The following CTNNBL1 variants were observed in gnomAD, a reference collection of about 807,000 sequenced individuals.
CTNNBL1 encodes catenin beta like 1.
In CTNNBL1, 31 loss-of-function variants were observed where a neutral mutation model predicts 72.7. The observed-to-expected ratio is 0.43, with a 90% confidence interval of 0.32 to 0.58. CTNNBL1 has a LOEUF of 0.58. CTNNBL1 is among the 20% of genes least tolerant of loss of function. The pLI is 0.08. For synonymous variants in CTNNBL1, 240 were observed against 267.3 expected, an observed-to-expected ratio of 0.90 and a Z score of 1.00; for missense variants, 534 against 725.1, an observed-to-expected ratio of 0.74 and a Z score of 3.03.
chr20:37,869,510 G>A (rs1016292286), intron 15 of CTNNBL1, among the ~76,000 whole-genome samples: 2 of 152,246 alleles, frequency 1.3e-5, no homozygotes, highest in African/African-American at 4.8e-5. Flanking sequence ...GGGGGCCCTC[G>A]GCCAGGCTTA....
At chr20:37,725,790 C>G (rs1345742351) in intron 1 of CTNNBL1, among the ~76,000 whole-genome samples, 1 of 151,712 alleles carries the variant, frequency 6.6e-6, no homozygotes, top group Admixed American at 6.5e-5. Context: ...TCGAGACCAG[C>G]CTTGTCAACA....
At chr20:37,764,296 T>A (rs187239238) in intron 5 of CTNNBL1, among the ~76,000 whole-genome samples, 2 of 152,358 alleles carry the variant, frequency 1.3e-5, no homozygotes, top group East Asian at 3.9e-4. Context: ...AGATGGATCA[T>A]CCCTTCCTGA....
At chr20:37,740,561 C>A (rs2073207270) in intron 3 of CTNNBL1, among the ~76,000 whole-genome samples, 1 of 152,184 alleles carries the variant, frequency 6.6e-6, no homozygotes, top group African/African-American at 2.4e-5. Context: ...TTTAATAGTT[C>A]TTCTCTTCAT....
At chr20:37,713,009 C>T (rs2072952096) in intron 1 of CTNNBL1, among the ~76,000 whole-genome samples, 1 of 152,182 alleles carries the variant, frequency 6.6e-6, no homozygotes, top group African/African-American at 2.4e-5. Context: ...GGCTGCTAAG[C>T]TTGCCAATGT....
chr20:37,723,602 T>C (rs1444842368), intron 1 of CTNNBL1, among the ~76,000 whole-genome samples: 2 of 152,236 alleles, frequency 1.3e-5, no homozygotes, highest in Non-Finnish European at 2.9e-5. Flanking sequence ...AGGTGTAATA[T>C]GTATTTATAT....
chr20:37,869,006 TAC>T (rs2072560130), intron 15 of CTNNBL1, among the ~76,000 whole-genome samples: 1 of 152,176 alleles, frequency 6.6e-6, no homozygotes, highest in Non-Finnish European at 1.5e-5. Context: ...AGATACCACT[TAC>T]ACACAGCCCC....
chr20:37,795,537 C>T (rs1600492725), intron 10 of CTNNBL1, among the ~76,000 whole-genome samples: 1 of 151,904 alleles, frequency 6.6e-6, no homozygotes. Flanking sequence ...TCATTTTTTC[C>T]TGTATTCTTT....
At chr20:37,777,268 G>A (rs1444827473) in intron 7 of CTNNBL1, 77 bp from the exon 8 acceptor site, 1 of 1,106,254 alleles carries the variant, frequency 9.0e-7, no homozygotes, top group East Asian at 2.4e-5. Context: ...TCAGATCATA[G>A]TACTCGTGAA....
chr20:37,857,155 G>T (rs561259466), intron 13 of CTNNBL1, among the ~76,000 whole-genome samples: 1 of 152,336 alleles, frequency 6.6e-6, no homozygotes, highest in Admixed American at 6.5e-5. Context: ...GAGTTCTCGA[G>T]CAGGAAGTCA....
intron 1 of CTNNBL1, among the ~76,000 whole-genome samples, chr20:37,727,707 G>A (rs1337378956): frequency 6.6e-6 from 1 of 152,226 alleles, no homozygotes; most frequent in Non-Finnish European, 1.5e-5. Context: ...TGACTGGTAA[G>A]AATGGCTTAA....
intron 11 of CTNNBL1, among the ~76,000 whole-genome samples, chr20:37,812,471 G>A (rs1351394118): frequency 1.3e-5 from 2 of 152,178 alleles, no homozygotes; most frequent in African/African-American, 4.8e-5. Context: ...TATTACCCTG[G>A]ACCCTCAGTT....
intron 15 of CTNNBL1, among the ~76,000 whole-genome samples, chr20:37,870,816 G>A (rs2072577699): frequency 6.6e-6 from 1 of 152,174 alleles, no homozygotes; most frequent in South Asian, 2.1e-4. Context: ...GCTCCAGGCT[G>A]TGGCCACGCT....
At chr20:37,825,764 C>G (rs1205632784) in intron 11 of CTNNBL1, among the ~76,000 whole-genome samples, 1 of 152,214 alleles carries the variant, frequency 6.6e-6, no homozygotes, top group Admixed American at 6.5e-5. Context: ...GAGCATCCCT[C>G]TTGGGCAGAG....
intron 2 of CTNNBL1, among the ~76,000 whole-genome samples, chr20:37,735,064 A>T (rs745420452): frequency 2.6e-5 from 4 of 152,250 alleles, no homozygotes; most frequent in Non-Finnish European, 4.4e-5. Flanking sequence ...TTCTAGTGGT[A>T]TGTTGGGTAC....
chr20:37,850,313 C>T (rs1162517123), intron 13 of CTNNBL1, among the ~76,000 whole-genome samples: 1 of 152,110 alleles, frequency 6.6e-6, no homozygotes, highest in African/African-American at 2.4e-5. Flanking sequence ...ATAAGTATGG[C>T]GTCATGCAAG....
chr20:37,797,134 C>T (rs577339643), intron 10 of CTNNBL1, among the ~76,000 whole-genome samples: 7 of 152,088 alleles, frequency 4.6e-5, no homozygotes, highest in African/African-American at 1.7e-4. Flanking sequence ...TTTTCTTTTT[C>T]CACCCACCCC....
chr20:37,757,456 A>G, intron 4 of CTNNBL1, 103 bp from the exon 5 acceptor site: 2 of 709,548 alleles, frequency 2.8e-6, no homozygotes, highest in Non-Finnish European at 2.4e-6. Context: ...TATTAAAGGT[A>G]GATGGTGATA....
At position 37,779,223 on chromosome 20, in the gene CTNNBL1, C is replaced by G; in HGVS notation, c.919C>G (p.Gln307Glu). The change falls in exon 10 of 16, where the codon CAG becomes GAG. Residue 307 changes from glutamine to glutamate, a missense_variant. Physicochemically the swap from Gln to Glu is conservative, Grantham distance 29. Coordinates refer to ENST00000361383, the MANE Select transcript of CTNNBL1 (RefSeq NM_030877.5). ...ACACAATCCCAGCACGGCTGAGGAG[C>G]AGGAGATGATGGAGAATCTGTTTGA... Reference protein sequence around the residue: ...KRHNPSTAEEQEMMENLFDSL... With the variant: ...KRHNPSTAEEEEMMENLFDSL... The G allele has an allele frequency of 1.2e-6, 2 of 1,613,630 alleles. No individual in the cohort carries two copies. Among genetic ancestry groups the G allele is most frequent in the Non-Finnish European group, 1.7e-6 (2 of 1,179,696 alleles).
intron 3 of CTNNBL1, 27 bp downstream of exon 3, chr20:37,737,511 G>T: frequency 6.8e-7 from 1 of 1,470,568 alleles, no homozygotes. Flanking sequence ...CTGATACCAT[G>T]TCTCCTCTGT....
Sources: gnomAD v4.1 joint callset for allele counts (sites outside exome capture counted in the v4.1 genomes callset) on GRCh38, gnomAD v4.1.1 for gene constraint, MANE v1.5 for transcripts, NCBI Gene and HGNC (gene_info 2026-07-23, HGNC 2026-07-21) for gene names.